Variants in TSPAN33 observed in about 807,000 individuals in gnomAD.
TSPAN33 encodes tetraspanin-33.
In TSPAN33, 27 loss-of-function variants were observed where a neutral mutation model predicts 34.8. The observed-to-expected ratio is 0.78, with a 90% confidence interval of 0.57 to 1.07. TSPAN33 has a LOEUF of 1.07. Among genes scored for constraint, TSPAN33 ranks in the 50% least tolerant of loss-of-function variants. TSPAN33 has a pLI of 0.00. For missense variants in TSPAN33, 272 were observed against 324.9 expected (o/e 0.84, Z 1.25); for synonymous variants, 119 against 124.2 (o/e 0.96, Z 0.28).
At chr7:129,150,575 C>T (rs1021937761) in intron 1 of TSPAN33, among the ~76,000 whole-genome samples, 1 of 152,148 alleles carries the variant, frequency 6.6e-6, no homozygotes, top group Non-Finnish European at 1.5e-5. Context: ...CCACTTCAGC[C>T]GCTCACTAGC....
intron 1 of TSPAN33, 149 bp from the exon 2 acceptor site, chr7:129,161,530 C>A: frequency 1.4e-6 from 1 of 713,772 alleles, no homozygotes; most frequent in South Asian, 1.7e-5. Flanking sequence ...CTGACAGATT[C>A]TATCAGCAGA....
chr7:129,162,539 CA>C lies in TSPAN33; in HGVS notation c.288+19del, dbSNP rs1275017280. The C allele has an allele frequency of 6.2e-7, 1 of 1,610,412 alleles. No individual in the cohort carries two copies. Among genetic ancestry groups the C allele is most frequent in the Non-Finnish European group, 8.5e-7 (1 of 1,179,978 alleles). On this transcript the variant is annotated intron_variant, in intron 3 of 7. Coordinates refer to ENST00000486685, the MANE Select transcript of TSPAN33 (RefSeq NM_178562.5). ...TGCAGACGGTGAGTGGTCAAGGCCC[CA>C]CTGGAAAGACCCTGGCCCTCTCCCC...
chr7:129,150,609 G>A (rs550314940), intron 1 of TSPAN33, among the ~76,000 whole-genome samples: 1 of 152,314 alleles, frequency 6.6e-6, no homozygotes, highest in Admixed American at 6.5e-5. Context: ...GAAAGTTGCT[G>A]GAATTCTCTG....
At chr7:129,151,666 A>G (rs1021052177) in intron 1 of TSPAN33, among the ~76,000 whole-genome samples, 1 of 152,122 alleles carries the variant, frequency 6.6e-6, no homozygotes, top group Admixed American at 6.6e-5. Context: ...AAAAAAAGTC[A>G]AGATAAGAAA....
At chr7:129,156,111 C>T (rs980081986) in intron 1 of TSPAN33, among the ~76,000 whole-genome samples, 4 of 152,028 alleles carry the variant, frequency 2.6e-5, no homozygotes, top group Admixed American at 2.6e-4. Flanking sequence ...TTTTTAATGA[C>T]CTTGACAGTT....
chr7:129,147,635 A>G (rs1480505239), intron 1 of TSPAN33, among the ~76,000 whole-genome samples: 1 of 152,272 alleles, frequency 6.6e-6, no homozygotes, highest in South Asian at 2.1e-4. Context: ...GGAAGCACCT[A>G]TGGATGAGAT....
At chr7:129,150,955 A>C (rs12668381) in intron 1 of TSPAN33, among the ~76,000 whole-genome samples, 1 of 151,994 alleles carries the variant, frequency 6.6e-6, no homozygotes, top group Admixed American at 6.5e-5. Context: ...AAAAAAAGCT[A>C]AGCAGGAGAC....
At chr7:129,151,088 A>G (rs1479278634) in intron 1 of TSPAN33, among the ~76,000 whole-genome samples, 1 of 151,876 alleles carries the variant, frequency 6.6e-6, no homozygotes, top group Non-Finnish European at 1.5e-5. Flanking sequence ...TTGTCACACC[A>G]CCTTGGCCTT....
At chr7:129,163,263 T>C (rs1396997260) in intron 4 of TSPAN33, among the ~76,000 whole-genome samples, 1 of 152,060 alleles carries the variant, frequency 6.6e-6, no homozygotes, top group Non-Finnish European at 1.5e-5. Context: ...AAATTGTTTA[T>C]TGAGATAAAC....
rs1259757938 is a variant in TSPAN33 at position 129,148,631 on chromosome 7, G to T, written c.102+3549G>T. On this transcript the variant is annotated intron_variant, in intron 1 of 7. Coordinates refer to ENST00000486685, the MANE Select transcript of TSPAN33 (RefSeq NM_178562.5). The surrounding 1 kb of genome is among the most constrained non-coding windows in gnomAD (Gnocchi z 4.2). ...GTACCCAACTGTGTTCTCCTCTGTG[G>T]TGGGTCTGGCGGCCTGGCAACCCTC... Among the ~76,000 whole-genome samples, 2 of 152,124 alleles carry T rather than the reference G, an allele frequency of 1.3e-5. No individual in the cohort carries two copies.
rs1793120862 is a variant in TSPAN33, at chr7:129,165,241, T to G, written c.459+672T>G. 6.6e-6 allele frequency among the ~76,000 whole-genome samples: 1 copy of G among 152,104 alleles called. No individual in the cohort carries two copies. Among genetic ancestry groups the G allele is most frequent in the Non-Finnish European group, 1.5e-5 (1 of 68,018 alleles). On this transcript the variant is annotated intron_variant, in intron 5 of 7. Transcript: ENST00000486685. This position sits in a 1 kb window ranked among gnomAD's most constrained non-coding sequence, Gnocchi z 4.5. The stretch of plus-strand genomic sequence containing the variant: ...AACACTAACTCCCCATTTTCCTCTC[T>G]TGAAACTTTGTATCCATTAAACACT...
intron 1 of TSPAN33, among the ~76,000 whole-genome samples, chr7:129,158,307 A>G (rs1792986419): frequency 6.6e-6 from 1 of 152,234 alleles, no homozygotes; most frequent in African/African-American, 2.4e-5. Flanking sequence ...TTGAGGGGAC[A>G]TTATTCTCTC....
At position 129,162,521 on chromosome 7, in the gene TSPAN33, G is replaced by T; in HGVS notation, c.288G>T (p.Thr96=). 6.2e-7 allele frequency: 1 copy of T among 1,612,310 alleles called. No homozygotes were observed. ...SLRENICLLQ[T]FSLCLTAVFL... ...GCGAGAACATCTGCCTCCTGCAGAC[G>T]GTGAGTGGTCAAGGCCCCACTGGAA... Residue 96 remains threonine (T), a splice_region_variant and synonymous_variant, in exon 3 of 8, where the codon ACG becomes ACT. Transcript: ENST00000486685.
At position 129,169,167 on chromosome 7, in the gene TSPAN33, G is replaced by A. The variant is rs1245238123; in HGVS notation, c.*1293G>A. On this transcript the variant is annotated 3_prime_UTR_variant, in exon 8 of 8. Coordinates refer to ENST00000486685, the MANE Select transcript of TSPAN33 (RefSeq NM_178562.5). Reference sequence around the variant, plus strand: ...GAGCACTCCGCTGGGGCCGGGACGGGGAATGAGGAGGAAGAAGGCCCTCTC... The same window carrying A: ...GAGCACTCCGCTGGGGCCGGGACGGAGAATGAGGAGGAAGAAGGCCCTCTC... 6.6e-6 allele frequency among the ~76,000 whole-genome samples: 1 copy of A among 152,228 alleles called. No homozygotes were observed. The highest frequency in any genetic ancestry group is 6.5e-5 in the Admixed American group (1 of 15,288).
chr7:129,169,341 C>T lies in TSPAN33; in HGVS notation c.*1467C>T, dbSNP rs1793196698. The T allele has an allele frequency of 6.6e-6, 1 of 152,192 alleles. No homozygotes were observed. The highest frequency in any genetic ancestry group is 2.4e-5 in the African/African-American group (1 of 41,452). The allele number at this position is 152,192 out of a possible 1,614,324, so 9.4% of individuals were successfully genotyped here. On this transcript the variant is annotated 3_prime_UTR_variant, in exon 8 of 8. Coordinates refer to ENST00000486685, the MANE Select transcript of TSPAN33 (RefSeq NM_178562.5). ...GGCGCGTCCGGGGCGGGGCGCTGGACTTCGTGGGTGGTCCCCGCCCCCGCG... is the reference window on the plus strand; with the variant it reads ...GGCGCGTCCGGGGCGGGGCGCTGGATTTCGTGGGTGGTCCCCGCCCCCGCG...
intron 2 of TSPAN33, among the ~76,000 whole-genome samples, chr7:129,162,099 AAGCTGG>A (rs1793063293): frequency 6.6e-6 from 1 of 152,246 alleles, no homozygotes; most frequent in South Asian, 2.1e-4. Context: ...AGAATCTGCA[AAGCTGG>A]TGAGCCTAAT....
intron 3 of TSPAN33, 71 bp downstream of exon 3, chr7:129,162,592 CTT>C: frequency 1.3e-6 from 2 of 1,590,994 alleles, no homozygotes; most frequent in Non-Finnish European, 1.7e-6. Flanking sequence ...TCCCACGGCC[CTT>C]TGGTTGCCTT....
intron 1 of TSPAN33, among the ~76,000 whole-genome samples, chr7:129,147,746 A>G (rs1464399285): frequency 6.6e-6 from 1 of 152,170 alleles, no homozygotes; most frequent in African/African-American, 2.4e-5. Context: ...GGAACCCACT[A>G]GGAAGGTGTC....
At chr7:129,155,694 A>C (rs1420389696) in intron 1 of TSPAN33, among the ~76,000 whole-genome samples, 1 of 151,426 alleles carries the variant, frequency 6.6e-6, no homozygotes, top group Admixed American at 6.6e-5. Context: ...CTTCTGTTCC[A>C]GAATCCTATT....
Sources: allele counts gnomAD v4.1 joint callset (sites outside exome capture counted in the v4.1 genomes callset), GRCh38; gene constraint gnomAD v4.1.1; non-coding constraint Gnocchi (gnomAD v3.1); transcripts MANE v1.5; gene names NCBI Gene and HGNC (gene_info 2026-07-23, HGNC 2026-07-21).